The following NLGN1 variants were observed in gnomAD, a reference collection of about 807,000 sequenced individuals.
The protein encoded by NLGN1 is neuroligin 1.
A neutral mutation model predicts 65.5 loss-of-function variants in NLGN1; 12 were observed. That is an observed-to-expected ratio of 0.18 (90% confidence interval 0.12 to 0.30). The LOEUF is 0.30. NLGN1 is among the 10% of genes least tolerant of loss of function. The pLI, the probability that NLGN1 is intolerant of heterozygous loss-of-function variation, is 1.00. For missense variants in NLGN1, 750 were observed against 1,007.1 expected (o/e 0.74, Z 3.46); for synonymous variants, 350 against 359.5 (o/e 0.97, Z 0.30).
chr3:173,408,039 C>G (rs976597949), intron 1 of NLGN1, among the ~76,000 whole-genome samples: 3 of 152,054 alleles, frequency 2.0e-5, no homozygotes, highest in African/African-American at 7.3e-5. Context: ...ATTTGATTGC[C>G]TGTCATCAAA....
intron 2 of NLGN1, among the ~76,000 whole-genome samples, chr3:173,533,232 A>G (rs1299416237): frequency 2.0e-5 from 3 of 152,216 alleles, no homozygotes; most frequent in Admixed American, 2.0e-4. Flanking sequence ...CTGTATTAGA[A>G]AATTTAAAAA....
chr3:173,475,704 T>A (rs1405785563), intron 2 of NLGN1, among the ~76,000 whole-genome samples: 1 of 152,210 alleles, frequency 6.6e-6, no homozygotes, highest in Non-Finnish European at 1.5e-5. Context: ...ACTTATTGCA[T>A]AGCAATTACC....
intron 2 of NLGN1, among the ~76,000 whole-genome samples, chr3:173,575,819 T>G (rs1167511569): frequency 4.6e-5 from 7 of 152,180 alleles, no homozygotes; most frequent in Non-Finnish European, 7.4e-5. Context: ...ATACAAAGTT[T>G]TCAGAAACTT....
downstream of NLGN1, among the ~76,000 whole-genome samples, chr3:174,290,141 A>G (rs1752598643): frequency 6.6e-6 from 1 of 150,736 alleles, no homozygotes; most frequent in Non-Finnish European, 1.5e-5. Flanking sequence ...TTGTTTGTTT[A>G]CAGACTTTAG....
At chr3:173,661,454 G>A (rs1299641962) in intron 3 of NLGN1, among the ~76,000 whole-genome samples, 1 of 151,882 alleles carries the variant, frequency 6.6e-6, no homozygotes, top group Non-Finnish European at 1.5e-5. Context: ...CTCAGCACTG[G>A]GTGAAGAAGC....
intron 4 of NLGN1, among the ~76,000 whole-genome samples, chr3:173,964,485 GTTCT>G (rs1293912342): frequency 6.6e-6 from 1 of 152,114 alleles, no homozygotes; most frequent in Non-Finnish European, 1.5e-5. Flanking sequence ...GTAATTCAAT[GTTCT>G]TTCTGGTACA....
At chr3:173,603,169 T>C (rs1750820934) in intron 2 of NLGN1, among the ~76,000 whole-genome samples, 1 of 152,116 alleles carries the variant, frequency 6.6e-6, no homozygotes, top group African/African-American at 2.4e-5. Context: ...GATAGAACCA[T>C]CTCTAATACA....
At chr3:174,017,452 T>A (rs958445653) in intron 4 of NLGN1, among the ~76,000 whole-genome samples, 5 of 152,142 alleles carry the variant, frequency 3.3e-5, no homozygotes, top group Admixed American at 2.6e-4. Flanking sequence ...ATTTGTCATT[T>A]TAGTGGAATC....
intron 3 of NLGN1, among the ~76,000 whole-genome samples, chr3:173,774,731 CTGAGTACAT>C: frequency 6.6e-6 from 1 of 152,248 alleles, no homozygotes. Context: ...TTTGTTGTTT[CTGAGTACAT>C]TGGTACTCTC....
chr3:174,218,213 G>A (rs149213383), intron 4 of NLGN1, among the ~76,000 whole-genome samples: 192 of 152,126 alleles, frequency 1.3e-3, no homozygotes, highest in African/African-American at 4.4e-3. Context: ...AGAAAACTAT[G>A]ACTAATACCA....
At chr3:173,474,068 T>C (rs1317307308) in intron 2 of NLGN1, among the ~76,000 whole-genome samples, 4 of 152,166 alleles carry the variant, frequency 2.6e-5, no homozygotes, top group Non-Finnish European at 1.5e-5. Flanking sequence ...AACTTTTTAA[T>C]ACTGGGTGTA....
chr3:174,189,567 G>C (rs1303018202), intron 4 of NLGN1, among the ~76,000 whole-genome samples: 3 of 151,726 alleles, frequency 2.0e-5, no homozygotes, highest in Non-Finnish European at 4.4e-5. Context: ...TGAGGTACTG[G>C]GATATAAATT....
intron 4 of NLGN1, among the ~76,000 whole-genome samples, chr3:173,996,860 AC>A (rs1466113620): frequency 1.3e-5 from 2 of 152,174 alleles, no homozygotes; most frequent in African/African-American, 4.8e-5. Flanking sequence ...GTTGGGGAAC[AC>A]CATAAGAGAT....
At chr3:173,656,888 A>C (rs908385930) in intron 3 of NLGN1, among the ~76,000 whole-genome samples, 1 of 152,060 alleles carries the variant, frequency 6.6e-6, no homozygotes. Flanking sequence ...AAGACTTTGC[A>C]TACTACTCTG....
At chr3:173,749,577 T>G (rs953323587) in intron 3 of NLGN1, among the ~76,000 whole-genome samples, 1 of 152,068 alleles carries the variant, frequency 6.6e-6, no homozygotes, top group Non-Finnish European at 1.5e-5. Flanking sequence ...AAGACTCCCC[T>G]TCCAAAATAA....
intron 4 of NLGN1, among the ~76,000 whole-genome samples, chr3:174,259,952 G>C (rs968727282): frequency 6.6e-6 from 1 of 150,564 alleles, no homozygotes; most frequent in African/African-American, 2.4e-5. Flanking sequence ...TTTTGTTCTT[G>C]TGATAGTTTA....
intron 1 of NLGN1, among the ~76,000 whole-genome samples, chr3:173,426,873 A>T (rs775186265): frequency 1.3e-5 from 2 of 151,938 alleles, no homozygotes; most frequent in African/African-American, 2.4e-5. Flanking sequence ...TCCTCTTCAA[A>T]TTTTTTGGAT....
chr3:174,102,686 G>A (rs1250502700), intron 4 of NLGN1, among the ~76,000 whole-genome samples: 1 of 152,182 alleles, frequency 6.6e-6, no homozygotes, highest in African/African-American at 2.4e-5. Context: ...TTGACTGGTT[G>A]ATTGGATGGC....
chr3:173,942,016 A>G (rs935763413), intron 4 of NLGN1, among the ~76,000 whole-genome samples: 7 of 151,624 alleles, frequency 4.6e-5, no homozygotes, highest in South Asian at 2.1e-4. Flanking sequence ...AGAGATGTCC[A>G]CTATTGATGC....
Sources: allele counts gnomAD v4.1 joint callset (sites outside exome capture counted in the v4.1 genomes callset), GRCh38; gene constraint gnomAD v4.1.1; transcripts MANE v1.5; gene names NCBI Gene and HGNC (gene_info 2026-07-23, HGNC 2026-07-21).